Variants in KDM1A observed in about 807,000 individuals in gnomAD.
KDM1A encodes the protein lysine-specific histone demethylase 1A.
KDM1A carries 49 observed loss-of-function variants against 109.4 expected under a neutral mutation model. The ratio of observed to expected loss-of-function variants is 0.45; its 90% CI spans 0.36 to 0.57. The LOEUF is 0.57. Among genes scored for constraint, KDM1A ranks in the 20% least tolerant of loss-of-function variants. KDM1A has a pLI of 0.00. For synonymous variants in KDM1A, 380 were observed against 415.4 expected (o/e 0.91, Z 1.04); for missense variants, 668 against 1,116.6 (o/e 0.60, Z 5.73).
intron 1 of KDM1A, among the ~76,000 whole-genome samples, chr1:23,022,342 T>C (rs112828505): frequency 1.2e-4 from 18 of 151,532 alleles, no homozygotes; most frequent in Admixed American, 1.1e-3. Context: ...TTTTTTGTTG[T>C]TGTTGTTTTT....
chr1:23,051,542 T>G (rs547454358), intron 4 of KDM1A, among the ~76,000 whole-genome samples: 20 of 152,210 alleles, frequency 1.3e-4, no homozygotes, highest in Non-Finnish European at 2.4e-4. Context: ...ATCTCAGTTC[T>G]TTTTCATTTC....
At chr1:23,057,934 A>G (rs990837147) in intron 8 of KDM1A, 7 of 156,652 alleles carry the variant, frequency 4.5e-5, no homozygotes, top group South Asian at 1.9e-4. Context: ...ACACACCACC[A>G]TACCCAGCTA....
intron 9 of KDM1A, among the ~76,000 whole-genome samples, chr1:23,063,763 G>A (rs191536358): frequency 6.6e-6 from 1 of 152,182 alleles, no homozygotes; most frequent in African/African-American, 2.4e-5. Flanking sequence ...AAAACTGCTA[G>A]AGAGAACTAC....
In KDM1A at chr1:23,073,382, C is replaced by T. The variant is rs747416005; in HGVS notation, c.1713C>T (p.Leu571=). Residue 571 remains leucine, a synonymous_variant, in exon 15 of 21, where the codon CTC becomes CTT. Transcript: ENST00000400181. ...CTAATGCCACACCTCTCTCAACTCT[C>T]TCCCTTAAGCACTGGGATCAGGTAA... is the stretch of plus-strand genomic sequence containing the variant. ...EFANATPLST[L]SLKHWDQDDD... is the part of the protein sequence containing the mutation. The T allele has an allele frequency of 1.2e-6, 2 of 1,604,178 alleles. No individual in the cohort carries two copies. Among genetic ancestry groups the T allele is most frequent in the Middle Eastern group, 1.7e-4 (1 of 6,044 alleles).
At chr1:23,037,233 G>A (rs779058136) in intron 2 of KDM1A, among the ~76,000 whole-genome samples, 14 of 151,568 alleles carry the variant, frequency 9.2e-5, no homozygotes, top group Non-Finnish European at 1.9e-4. Flanking sequence ...GAACCGGAGA[G>A]GCAGAGGTTG....
intron 13 of KDM1A, 121 bp from the exon 14 acceptor site, chr1:23,072,003 C>A: frequency 1.6e-6 from 1 of 644,764 alleles, no homozygotes; most frequent in Non-Finnish European, 2.7e-6. Context: ...AAAATTGAGC[C>A]ACACTTCCTG....
chr1:23,082,523 T>C (rs1382195492), intron 20 of KDM1A, 157 bp downstream of exon 20: 2 of 670,986 alleles, frequency 3.0e-6, no homozygotes, highest in Admixed American at 6.4e-5. Context: ...GCATTTCTGA[T>C]TTCTCATAAT....
At chr1:23,043,636 G>A (rs1229045292) in intron 2 of KDM1A, among the ~76,000 whole-genome samples, 1 of 152,162 alleles carries the variant, frequency 6.6e-6, no homozygotes, top group African/African-American at 2.4e-5. Context: ...GATAGATTTT[G>A]GAAGAGTTCA....
chr1:23,031,242 C>T (rs1324286790), intron 2 of KDM1A, among the ~76,000 whole-genome samples: 1 of 152,140 alleles, frequency 6.6e-6, no homozygotes, highest in Non-Finnish European at 1.5e-5. Context: ...TGAGTACTAG[C>T]TTTCTGAGGA....
At chr1:23,065,942 T>C (rs536656345) in intron 9 of KDM1A, 118 bp from the exon 10 acceptor site, 4 of 1,413,790 alleles carry the variant, frequency 2.8e-6, no homozygotes, top group South Asian at 1.4e-5. Context: ...ACAGAATGCT[T>C]CTGTCATGCT....
chr1:23,082,004 A>G (rs1196630080), intron 19 of KDM1A: 7 of 392,946 alleles, frequency 1.8e-5, no homozygotes, highest in African/African-American at 2.8e-5. Context: ...CTGGATTCAT[A>G]GACAGGAAGG....
intron 19 of KDM1A, chr1:23,081,819 CCT>C (rs1311513709): frequency 4.2e-6 from 2 of 473,048 alleles, no homozygotes; most frequent in African/African-American, 3.9e-5. Flanking sequence ...ACACCAGATC[CCT>C]GACATTTTAG....
Position 23,083,210 on chromosome 1 carries a change from A to G in KDM1A, c.2477A>G (p.His826Arg). 1 of 1,613,244 alleles carries G rather than the reference A, an allele frequency of 6.2e-7. No homozygotes were observed. Among genetic ancestry groups the G allele is most frequent in the Non-Finnish European group, 8.5e-7 (1 of 1,179,422 alleles). The change falls in exon 21 of 21, where the codon CAT becomes CGT. Residue 826 changes from histidine to arginine, a missense_variant. By Grantham distance (29) the His-to-Arg change is conservative. Coordinates refer to ENST00000400181, the MANE Select transcript of KDM1A (RefSeq NM_001009999.3). Reference protein sequence around the residue: ...PIPRLFFAGEHTIRNYPATVH... With the variant: ...PIPRLFFAGERTIRNYPATVH... ...CCACGACTCTTCTTTGCGGGAGAAC[A>G]TACGATCCGTAACTACCCAGCCACA... is the stretch of plus-strand genomic sequence containing the variant.
Position 23,079,784 on chromosome 1 carries a change from A to AT in KDM1A, c.2170+117_2170+118insT. 3.4e-6 allele frequency: 2 copies of AT among 580,866 alleles called. No individual in the cohort carries two copies. Among genetic ancestry groups the AT allele is most frequent in the Non-Finnish European group, 5.9e-6 (2 of 340,860 alleles). The allele number at this position is 580,866 out of a possible 1,614,324, so 36.0% of individuals were successfully genotyped here. On this transcript the variant is annotated intron_variant, in intron 18 of 20. Coordinates refer to ENST00000400181, the MANE Select transcript of KDM1A (RefSeq NM_001009999.3). This position sits in a 1 kb window ranked among gnomAD's most constrained non-coding sequence, Gnocchi z 5.6. Reference sequence around the variant, plus strand: ...TTCTCTCTTTATTAACTCAACAAACAATTCCTGAAATACCTTCTAGGTACT... The same window carrying AT: ...TTCTCTCTTTATTAACTCAACAAACATATTCCTGAAATACCTTCTAGGTACT...
At chr1:23,059,434 T>C (rs1241265994) in intron 9 of KDM1A, 2 of 469,760 alleles carry the variant, frequency 4.3e-6, no homozygotes, top group Admixed American at 2.7e-5. Flanking sequence ...ACAGTTAATC[T>C]TTTTATTTGG....
intron 3 of KDM1A, among the ~76,000 whole-genome samples, chr1:23,044,896 C>G (rs1642458875): frequency 6.6e-6 from 1 of 152,104 alleles, no homozygotes; most frequent in Non-Finnish European, 1.5e-5. Context: ...CATTCTAGGA[C>G]TAGTCAGAGG....
Position 23,074,122 on chromosome 1 carries a change from G to A in KDM1A, c.1734+719G>A, listed in dbSNP as rs550947859. Among the ~76,000 whole-genome samples the A allele has an allele frequency of 2.6e-5, 4 of 152,238 alleles. No homozygotes were observed. The South Asian group carries it at 8.3e-4, about 32-fold the overall frequency. ...TTTTCTCCAAATCCTCACCAATCTT[G>A]GTAATGCCAGTTTTTAAAATGTCAG... is the stretch of plus-strand genomic sequence containing the variant. On this transcript the variant is annotated intron_variant, in intron 15 of 20. Coordinates refer to ENST00000400181, the MANE Select transcript of KDM1A (RefSeq NM_001009999.3).
At chr1:23,027,275 C>T (rs74470274) in intron 1 of KDM1A, among the ~76,000 whole-genome samples, 6,045 of 152,070 alleles carry the variant, frequency 0.04, 408 homozygotes, top group African/African-American at 0.14. Context: ...CCTTAGAATC[C>T]ATTTTTTTCC....
intron 11 of KDM1A, 35 bp from the exon 12 acceptor site, chr1:23,069,019 AAGTTGGC>A (rs1643231735): frequency 7.2e-7 from 1 of 1,386,628 alleles, no homozygotes; most frequent in Non-Finnish European, 1.0e-6. Context: ...TTATTCTGCA[AAGTTGGC>A]TTTGAGAGCA....
Sources: allele counts gnomAD v4.1 joint callset (sites outside exome capture counted in the v4.1 genomes callset), GRCh38; gene constraint gnomAD v4.1.1; non-coding constraint Gnocchi (gnomAD v3.1); transcripts MANE v1.5; gene names NCBI Gene and HGNC (gene_info 2026-07-23, HGNC 2026-07-21).